The following ABI1 variants were observed in gnomAD, a reference collection of about 807,000 sequenced individuals.
The protein encoded by ABI1 is Abelson interactor 1.
A neutral mutation model predicts 54.6 loss-of-function variants in ABI1; 14 were observed. That is an observed-to-expected ratio of 0.26 (90% CI 0.17 to 0.40). ABI1 has a LOEUF of 0.40. ABI1 is among the 10% of genes least tolerant of loss of function. The pLI, the probability that ABI1 is intolerant of heterozygous loss-of-function variation, is 1.00. For synonymous variants in ABI1, 194 were observed against 209.3 expected, an observed-to-expected ratio of 0.93 and a Z score of 0.63; for missense variants, 443 against 598.3, an observed-to-expected ratio of 0.74 and a Z score of 2.71.
At chr10:26,843,404 A>T (rs2049684119) in intron 1 of ABI1, among the ~76,000 whole-genome samples, 1 of 136,204 alleles carries the variant, frequency 7.3e-6, no homozygotes, top group Non-Finnish European at 1.5e-5. Context: ...TAGTGAGCTG[A>T]GATCATGCCA....
intron 3 of ABI1, among the ~76,000 whole-genome samples, chr10:26,772,621 T>C (rs1454163871): frequency 1.3e-5 from 2 of 152,204 alleles, no homozygotes; most frequent in Non-Finnish European, 2.9e-5. Flanking sequence ...TTAAGTGTTA[T>C]TAGACATGCA....
intron 1 of ABI1, among the ~76,000 whole-genome samples, chr10:26,858,518 C>A (rs578153960): frequency 2.9e-5 from 4 of 138,352 alleles, no homozygotes; most frequent in African/African-American, 1.1e-4. Flanking sequence ...TTATACCCCA[C>A]CCCGCCCCCA....
chr10:26,757,858 A>G (rs1838515504), intron 8 of ABI1, among the ~76,000 whole-genome samples: 1 of 152,050 alleles, frequency 6.6e-6, no homozygotes, highest in South Asian at 2.1e-4. Context: ...ACCTGAGATC[A>G]GGAGTTCGAG....
At position 26,746,819 on chromosome 10, in the gene ABI1, TAGG is replaced by T. The variant is rs1564443450; in HGVS notation, c.*1748_*1750del. ...TCAAATGGTTTGTCTTGATTTACCG[TAGG>T]AGTAAAGGTCAGAAAAATGTGAAGT... On this transcript the variant is annotated 3_prime_UTR_variant, in exon 11 of 11. Transcript: ENST00000376140. 3 of 390,496 alleles carry T rather than the reference TAGG, an allele frequency of 7.7e-6. No individual in the cohort carries two copies. Among genetic ancestry groups the T allele is most frequent in the Non-Finnish European group, 4.8e-6 (1 of 208,310 alleles). 24.2% of individuals were successfully genotyped at this position (390,496 alleles called of 1,614,324 possible).
At chr10:26,800,796 C>T (rs769221413) in intron 2 of ABI1, among the ~76,000 whole-genome samples, 2 of 152,126 alleles carry the variant, frequency 1.3e-5, no homozygotes, top group East Asian at 1.9e-4. Flanking sequence ...TTTGGGAGGT[C>T]GGGAGTTCGA....
chr10:26,749,032 T>G (rs1339873415), intron 10 of ABI1, among the ~76,000 whole-genome samples: 1 of 152,190 alleles, frequency 6.6e-6, no homozygotes, highest in Non-Finnish European at 1.5e-5. Context: ...ATGTTTCAAT[T>G]CATTCAAATA....
chr10:26,788,651 GCC>G (rs1843001703), intron 2 of ABI1, among the ~76,000 whole-genome samples: 2 of 151,934 alleles, frequency 1.3e-5, no homozygotes, highest in Non-Finnish European at 2.9e-5. Context: ...AGTGGCTCAC[GCC>G]TGTAATCCCA....
intron 1 of ABI1, among the ~76,000 whole-genome samples, chr10:26,857,975 G>A (rs2134364030): frequency 6.6e-6 from 1 of 152,154 alleles, no homozygotes; most frequent in Admixed American, 6.5e-5. Flanking sequence ...CTAATAAACT[G>A]CCGCAAGAAC....
At chr10:26,843,909 A>G (rs2134115412) in intron 1 of ABI1, among the ~76,000 whole-genome samples, 1 of 152,326 alleles carries the variant, frequency 6.6e-6, no homozygotes, top group East Asian at 1.9e-4. Context: ...TTTATCTTAT[A>G]TTTAACCACT....
chr10:26,853,874 A>C (rs1050083855), intron 1 of ABI1, among the ~76,000 whole-genome samples: 1 of 152,032 alleles, frequency 6.6e-6, no homozygotes, highest in African/African-American at 2.4e-5. Context: ...CACTATTTTC[A>C]TGGGTTTTAT....
chr10:26,773,010 G>T (rs997768810), intron 3 of ABI1, among the ~76,000 whole-genome samples: 1 of 152,076 alleles, frequency 6.6e-6, no homozygotes, highest in Middle Eastern at 3.4e-3. Context: ...CTAGAAAGTT[G>T]TGAGCTGTGA....
chr10:26,761,959 C>A (rs908353028), intron 7 of ABI1, among the ~76,000 whole-genome samples: 3 of 152,050 alleles, frequency 2.0e-5, no homozygotes, highest in African/African-American at 7.2e-5. Context: ...TCCTGAATCT[C>A]TAGGACAGTG....
intron 2 of ABI1, among the ~76,000 whole-genome samples, chr10:26,784,606 T>A (rs17816509): frequency 2.0e-5 from 3 of 152,216 alleles, no homozygotes; most frequent in African/African-American, 7.2e-5. Context: ...ACATTCTTTA[T>A]AGGCACACAC....
At chr10:26,797,396 T>G (rs886096399) in intron 2 of ABI1, among the ~76,000 whole-genome samples, 8 of 152,202 alleles carry the variant, frequency 5.3e-5, no homozygotes, top group African/African-American at 1.9e-4. Context: ...AAAGCACGAC[T>G]AGGGATAGGA....
At chr10:26,839,378 C>T (rs2049319975) in intron 1 of ABI1, among the ~76,000 whole-genome samples, 3 of 152,050 alleles carry the variant, frequency 2.0e-5, no homozygotes, top group Admixed American at 2.0e-4. Context: ...AGCCTATAGT[C>T]CTAGCTACTG....
intron 1 of ABI1, among the ~76,000 whole-genome samples, chr10:26,852,963 C>T (rs1258761781): frequency 6.6e-6 from 1 of 151,986 alleles, no homozygotes; most frequent in African/African-American, 2.4e-5. Context: ...TTCATAAACA[C>T]GGGTTCACTA....
chr10:26,790,302 T>C (rs894081851), intron 2 of ABI1, among the ~76,000 whole-genome samples: 5 of 152,200 alleles, frequency 3.3e-5, no homozygotes, highest in African/African-American at 1.2e-4. Flanking sequence ...CTGTTATTTT[T>C]TTGAATTTTT....
chr10:26,833,619 A>C (rs2048830701), intron 1 of ABI1, among the ~76,000 whole-genome samples: 1 of 152,300 alleles, frequency 6.6e-6, no homozygotes, highest in East Asian at 1.9e-4. Flanking sequence ...AACTCCTTCC[A>C]TGTTAACAAG....
chr10:26,836,109 G>A (rs947128338), intron 1 of ABI1, among the ~76,000 whole-genome samples: 1 of 151,500 alleles, frequency 6.6e-6, no homozygotes, highest in African/African-American at 2.4e-5. Context: ...ATCTTTTTTT[G>A]TTGTTTGTTT....
Sources: allele counts gnomAD v4.1 joint callset (sites outside exome capture counted in the v4.1 genomes callset), GRCh38; gene constraint gnomAD v4.1.1; transcripts MANE v1.5; gene names NCBI Gene and HGNC (gene_info 2026-07-23, HGNC 2026-07-21).